The following PRKN variants were observed in gnomAD, a reference collection of about 807,000 sequenced individuals.
The protein encoded by PRKN is E3 ubiquitin-protein ligase parkin.
PRKN carries 56 observed loss-of-function variants against 59.5 expected under a neutral mutation model. The ratio of observed to expected loss-of-function variants is 0.94; its 90% confidence interval spans 0.76 to 1.18. The LOEUF is 1.18. Among genes scored for constraint, PRKN ranks in the 50% most tolerant of loss-of-function variants. The probability of loss-of-function intolerance (pLI) is 0.00; values close to 1 mark genes in which losing one functional copy is unlikely to be tolerated. For missense variants in PRKN, 657 were observed against 596.4 expected, an observed-to-expected ratio of 1.10 and a Z score of -1.06; for synonymous variants, 250 against 222.1, an observed-to-expected ratio of 1.13 and a Z score of -1.12.
intron 7 of PRKN, among the ~76,000 whole-genome samples, chr6:161,779,435 C>CT (rs1583153971): frequency 2.5e-5 from 1 of 40,428 alleles, no homozygotes; most frequent in Non-Finnish European, 4.9e-5. Context: ...TTTTTCTTTT[C>CT]TTTTCTTTTT....
intron 4 of PRKN, among the ~76,000 whole-genome samples, chr6:162,059,101 A>T (rs80222237): frequency 0.052 from 7,832 of 151,858 alleles, 265 homozygotes; most frequent in Non-Finnish European, 0.076. Context: ...ACAGATGTTT[A>T]TTTTTTCATA....
intron 1 of PRKN, among the ~76,000 whole-genome samples, chr6:162,444,120 AGTCT>A (rs1264098489): frequency 5.9e-5 from 9 of 152,000 alleles, no homozygotes; most frequent in African/African-American, 1.2e-4. Context: ...TGCATCCTCT[AGTCT>A]GTCTGTCTGC....
rs183434303 is a variant in PRKN, at chr6:161,774,715, G to C, written c.871+11057C>G. Among the ~76,000 whole-genome samples the C allele has an allele frequency of 2.7e-3, 414 of 152,280 alleles. 2 individuals are homozygous for C. The highest frequency in any genetic ancestry group is 9.6e-3 in the African/African-American group (399 of 41,548). ...CCCACACTGGACCATGACATGAAGG[G>C]AAATCAATCTTGACCCTGTTCAGCC... On this transcript the variant is annotated intron_variant, in intron 7 of 11. Transcript: ENST00000366898.
At chr6:161,937,147 G>GA (rs1361944655) in intron 6 of PRKN, among the ~76,000 whole-genome samples, 2 of 152,192 alleles carry the variant, frequency 1.3e-5, no homozygotes, top group African/African-American at 4.8e-5. Flanking sequence ...CTGTAAAAAA[G>GA]AATGTACTGA....
At chr6:162,634,685 G>A (rs535886908) in intron 1 of PRKN, among the ~76,000 whole-genome samples, 4 of 152,296 alleles carry the variant, frequency 2.6e-5, no homozygotes, top group Non-Finnish European at 4.4e-5. Context: ...GTGCAGAGGC[G>A]TGATCTCAGC....
chr6:162,097,454 T>C (rs1779793028), intron 4 of PRKN, among the ~76,000 whole-genome samples: 1 of 152,158 alleles, frequency 6.6e-6, no homozygotes, highest in Non-Finnish European at 1.5e-5. Flanking sequence ...CCCAAATACA[T>C]ACACAGCAAG....
chr6:161,477,381 G>GT (rs1299250814), intron 9 of PRKN, among the ~76,000 whole-genome samples: 4 of 152,080 alleles, frequency 2.6e-5, no homozygotes, highest in African/African-American at 9.7e-5. Flanking sequence ...TCCAGGCGTG[G>GT]TGGCACATGC....
In PRKN at chr6:162,235,308, T is replaced by C. The variant is rs960195434; in HGVS notation, c.412+27217A>G. 3.9e-5 allele frequency among the ~76,000 whole-genome samples: 6 copies of C among 152,284 alleles called. No individual in the cohort carries two copies. The East Asian group carries it at 5.8e-4, about 15-fold the overall frequency. On this transcript the variant is annotated intron_variant, in intron 3 of 11. Transcript: ENST00000366898. ...GTTTTTTAGCCAGGTAATATTCTTA[T>C]CTGGAGGCGATGTTTAATATTGTTT...
At chr6:162,234,853 G>C (rs1361361376) in intron 3 of PRKN, among the ~76,000 whole-genome samples, 1 of 152,162 alleles carries the variant, frequency 6.6e-6, no homozygotes, top group African/African-American at 2.4e-5. Flanking sequence ...AGGCTATGTG[G>C]ACTTCAGCAC....
chr6:162,066,459 G>A (rs1361710150), intron 4 of PRKN, among the ~76,000 whole-genome samples: 2 of 152,040 alleles, frequency 1.3e-5, no homozygotes, highest in East Asian at 3.9e-4. Context: ...TTCATGTGTT[G>A]GAAACTGAGT....
chr6:161,522,244 A>C (rs1408679960), intron 9 of PRKN, among the ~76,000 whole-genome samples: 1 of 152,176 alleles, frequency 6.6e-6, no homozygotes, highest in Non-Finnish European at 1.5e-5. Context: ...GGCTGTGTGA[A>C]GGGCTGACTC....
rs1436998389 is a variant in PRKN at position 161,356,717 on chromosome 6, T to G, written c.1285+3371A>C. Among the ~76,000 whole-genome samples the G allele has an allele frequency of 6.6e-6, 1 of 152,060 alleles. No homozygotes were observed. Among genetic ancestry groups the G allele is most frequent in the East Asian group, 1.9e-4 (1 of 5,178 alleles). ...TGAGGAACTGGGCGGTGCTGTTGAC[T>G]GAGGTGGGGTGCACCCTAGAGGAAA... On this transcript the variant is annotated intron_variant, in intron 11 of 11. Transcript: ENST00000366898. This position sits in a 1 kb window ranked among gnomAD's most constrained non-coding sequence, Gnocchi z 7.8.
At chr6:162,103,608 T>C (rs1780067695) in intron 4 of PRKN, among the ~76,000 whole-genome samples, 1 of 150,884 alleles carries the variant, frequency 6.6e-6, no homozygotes, top group Admixed American at 6.6e-5. Context: ...AACTCTTAGC[T>C]ACATTTTAAC....
intron 6 of PRKN, among the ~76,000 whole-genome samples, chr6:161,843,482 G>A (rs1031999319): frequency 2.6e-5 from 4 of 152,050 alleles, no homozygotes; most frequent in Non-Finnish European, 2.9e-5. Context: ...GTTTGAATCC[G>A]TGGATTTTAA....
intron 1 of PRKN, among the ~76,000 whole-genome samples, chr6:162,660,508 T>C (rs1406528240): frequency 1.3e-5 from 2 of 152,232 alleles, no homozygotes; most frequent in African/African-American, 2.4e-5. Flanking sequence ...TATTTTCTCG[T>C]AGAGTCTTCT....
intron 2 of PRKN, among the ~76,000 whole-genome samples, chr6:162,312,952 A>AAGAG (rs1365922084): frequency 6.6e-6 from 1 of 152,128 alleles, no homozygotes; most frequent in African/African-American, 2.4e-5. Flanking sequence ...AGAAAATATA[A>AAGAG]TTTGAAGGAT....
intron 1 of PRKN, among the ~76,000 whole-genome samples, chr6:162,579,274 T>C (rs1780687089): frequency 6.6e-6 from 1 of 152,158 alleles, no homozygotes; most frequent in African/African-American, 2.4e-5. Flanking sequence ...AAATCTTTTA[T>C]CTTCCATGCC....
rs868397029 is a variant in PRKN at position 162,056,737 on chromosome 6, A to G, written c.535-2563T>C. ...GTCTGCACAAACCATGGCTATGCACAACATCTTCTCACCCTCGGCAAGGCT... is the reference window on the plus strand; with the variant it reads ...GTCTGCACAAACCATGGCTATGCACGACATCTTCTCACCCTCGGCAAGGCT... On this transcript the variant is annotated intron_variant, in intron 4 of 11. Coordinates refer to ENST00000366898, the MANE Select transcript of PRKN (RefSeq NM_004562.3). This position sits in a 1 kb window ranked among gnomAD's most constrained non-coding sequence, Gnocchi z 4.9. Among the ~76,000 whole-genome samples the G allele has an allele frequency of 6.6e-6, 1 of 152,274 alleles. No homozygotes were observed. The highest frequency in any genetic ancestry group is 3.4e-3 in the Middle Eastern group (1 of 294).
rs1204826027 is a variant in PRKN at position 161,386,067 on chromosome 6, T to C, written c.1167+727A>G. On this transcript the variant is annotated intron_variant, in intron 10 of 11. Coordinates refer to ENST00000366898, the MANE Select transcript of PRKN (RefSeq NM_004562.3). The surrounding 1 kb of genome is among the most constrained non-coding windows in gnomAD (Gnocchi z 4.3). ...TTCTGGGATTTCTATGTCTGTTTACTAGGTTCCTATCAGTACAATGACTAA... is the reference window on the plus strand; with the variant it reads ...TTCTGGGATTTCTATGTCTGTTTACCAGGTTCCTATCAGTACAATGACTAA... Among the ~76,000 whole-genome samples the C allele has an allele frequency of 6.6e-6, 1 of 152,246 alleles. No individual in the cohort carries two copies. Among genetic ancestry groups the C allele is most frequent in the Non-Finnish European group, 1.5e-5 (1 of 68,038 alleles).
Sources: allele counts gnomAD v4.1 joint callset (sites outside exome capture counted in the v4.1 genomes callset), GRCh38; gene constraint gnomAD v4.1.1; non-coding constraint Gnocchi (gnomAD v3.1); transcripts MANE v1.5; gene names NCBI Gene and HGNC (gene_info 2026-07-23, HGNC 2026-07-21).